The following CACNB2 variants were observed in gnomAD, a reference collection of about 807,000 sequenced individuals.
CACNB2 encodes the protein voltage-dependent L-type calcium channel subunit beta-2.
CACNB2 carries 42 observed loss-of-function variants against 73.3 expected under a neutral mutation model. The ratio of observed to expected loss-of-function variants is 0.57; its 90% CI spans 0.45 to 0.74. CACNB2 has a LOEUF of 0.74. Ranked by LOEUF, CACNB2 falls within the 30% of genes least tolerant of loss-of-function variation. CACNB2 has a pLI of 0.00. For missense variants in CACNB2, 940 were observed against 853.0 expected (o/e 1.10, Z -1.27); for synonymous variants, 348 against 310.3 (o/e 1.12, Z -1.28).
chr10:18,171,396 C>G (rs1236519851), intron 2 of CACNB2, among the ~76,000 whole-genome samples: 1 of 145,692 alleles, frequency 6.9e-6, no homozygotes, highest in Non-Finnish European at 1.5e-5. Context: ...GGGCAGGATG[C>G]TGCCTGGACT....
At chr10:18,418,409 CA>C (rs1344868144) in intron 3 of CACNB2, among the ~76,000 whole-genome samples, 2 of 152,188 alleles carry the variant, frequency 1.3e-5, no homozygotes, top group Non-Finnish European at 2.9e-5. Flanking sequence ...AAAATTATTT[CA>C]ATTGATATTT....
At chr10:18,324,354 G>C (rs565407959) in intron 2 of CACNB2, among the ~76,000 whole-genome samples, 2 of 152,188 alleles carry the variant, frequency 1.3e-5, no homozygotes, top group African/African-American at 2.4e-5. Context: ...ATATGGATTG[G>C]AGTTTGCCAG....
rs546843596 is a variant in CACNB2, at chr10:18,324,711, CT to C, written c.214-77212del. 3.2e-4 allele frequency among the ~76,000 whole-genome samples: 49 copies of C among 152,242 alleles called. 1 individual carries two copies. In the South Asian group the frequency reaches 9.8e-3, roughly 30 times the overall value. ...TCTCTACTGAAAATACAAAAATTAA[CT>C]GGGTGTGGTGGCATGCGTCTGTATT... On this transcript the variant is annotated intron_variant, in intron 2 of 13. Coordinates refer to ENST00000324631, the MANE Select transcript of CACNB2 (RefSeq NM_201596.3).
Position 18,196,241 on chromosome 10 carries a change from C to T in CACNB2, c.213+45266C>T, listed in dbSNP as rs577069406. Among the ~76,000 whole-genome samples, 8 of 151,696 alleles carry T rather than the reference C, an allele frequency of 5.3e-5. No homozygotes were observed. The South Asian group carries it at 6.3e-4, about 12-fold the overall frequency. ...ATGTGGCTTCAAAGTTGACTTTAAC[C>T]GACACTACTAAGCTGTTTAACAATA... On this transcript the variant is annotated intron_variant, in intron 2 of 13. Transcript: ENST00000324631.
intron 6 of CACNB2, among the ~76,000 whole-genome samples, chr10:18,508,817 T>G (rs1283591856): frequency 1.2e-4 from 18 of 152,222 alleles, no homozygotes. Flanking sequence ...CTGAAAAATT[T>G]GTAATAAACT....
At chr10:18,466,398 C>T (rs1328511252) in intron 3 of CACNB2, among the ~76,000 whole-genome samples, 2 of 151,980 alleles carry the variant, frequency 1.3e-5, no homozygotes. Flanking sequence ...CACCACCATG[C>T]CCAGCTAAAT....
chr10:18,151,060 AT>A, intron 2 of CACNB2, 85 bp downstream of exon 2: 1 of 860,926 alleles, frequency 1.2e-6, no homozygotes, highest in Non-Finnish European at 2.0e-6. Context: ...TTTCCTTAAG[AT>A]TTATGTAGTA....
At chr10:18,271,578 T>C (rs1391686951) in intron 2 of CACNB2, among the ~76,000 whole-genome samples, 1 of 152,184 alleles carries the variant, frequency 6.6e-6, no homozygotes, top group African/African-American at 2.4e-5. Flanking sequence ...ATCTTTATCA[T>C]ATATAAAACA....
At chr10:18,433,427 C>T (rs2045984059) in intron 3 of CACNB2, among the ~76,000 whole-genome samples, 1 of 152,164 alleles carries the variant, frequency 6.6e-6, no homozygotes, top group African/African-American at 2.4e-5. Context: ...TTTTGCCCTG[C>T]ACAGAACTCT....
At chr10:18,286,206 C>G (rs942312873) in intron 2 of CACNB2, among the ~76,000 whole-genome samples, 1 of 152,156 alleles carries the variant, frequency 6.6e-6, no homozygotes, top group African/African-American at 2.4e-5. Flanking sequence ...TACTCACTGC[C>G]TAGACTCTCC....
intron 2 of CACNB2, among the ~76,000 whole-genome samples, chr10:18,324,307 G>A (rs1216295983): frequency 6.6e-6 from 1 of 152,194 alleles, no homozygotes; most frequent in Non-Finnish European, 1.5e-5. Context: ...GTCAGGGAAG[G>A]CATCTGAAAG....
chr10:18,277,449 CTG>C (rs1323196208), intron 2 of CACNB2, among the ~76,000 whole-genome samples: 1 of 152,224 alleles, frequency 6.6e-6, no homozygotes, highest in Non-Finnish European at 1.5e-5. Context: ...TCAGTGATCT[CTG>C]TTCTTTTCCG....
chr10:18,520,351 G>T (rs2051734537), intron 9 of CACNB2, among the ~76,000 whole-genome samples: 1 of 152,108 alleles, frequency 6.6e-6, no homozygotes. Context: ...TGCAAATGCT[G>T]TTGTCTTTAT....
intron 3 of CACNB2, among the ~76,000 whole-genome samples, chr10:18,493,106 T>C (rs1347787508): frequency 6.6e-6 from 1 of 152,188 alleles, no homozygotes; most frequent in Non-Finnish European, 1.5e-5. Flanking sequence ...TTGTATTAGG[T>C]ATTATAACTG....
chr10:18,307,002 G>T (rs1021045007), intron 2 of CACNB2, among the ~76,000 whole-genome samples: 5 of 152,118 alleles, frequency 3.3e-5, no homozygotes, highest in African/African-American at 9.7e-5. Context: ...TCCTGGTTAG[G>T]AAGTGAAAGT....
chr10:18,488,662 C>G (rs1049766877), intron 3 of CACNB2, among the ~76,000 whole-genome samples: 7 of 151,920 alleles, frequency 4.6e-5, no homozygotes, highest in Admixed American at 1.3e-4. Flanking sequence ...TGGGCCCAAT[C>G]TTTTTTTGCC....
At chr10:18,503,236 T>C (rs2050305203) in intron 5 of CACNB2, among the ~76,000 whole-genome samples, 1 of 152,248 alleles carries the variant, frequency 6.6e-6, no homozygotes. Context: ...CAATCCTTAA[T>C]GTTCCATTGG....
At position 18,443,995 on chromosome 10, in the gene CACNB2, G is replaced by A. The variant is rs928118941; in HGVS notation, c.333+41952G>A. Among the ~76,000 whole-genome samples, 6 of 152,254 alleles carry A rather than the reference G, an allele frequency of 3.9e-5. No individual in the cohort carries two copies. In the South Asian group the frequency reaches 8.3e-4, roughly 21 times the overall value. ...CTCCCGAAGTGCTGGAATTACAGGC[G>A]TGAGCCACCACACCCAGCCACGCCC... On this transcript the variant is annotated intron_variant, in intron 3 of 13. Transcript: ENST00000324631.
chr10:18,145,258 C>G (rs1488250062), intron 1 of CACNB2, among the ~76,000 whole-genome samples: 1 of 152,236 alleles, frequency 6.6e-6, no homozygotes, highest in Non-Finnish European at 1.5e-5. Flanking sequence ...TCTAGTGGCT[C>G]TTCAACTACA....
Sources: gnomAD v4.1 joint callset for allele counts (sites outside exome capture counted in the v4.1 genomes callset) on GRCh38, gnomAD v4.1.1 for gene constraint, MANE v1.5 for transcripts, NCBI Gene and HGNC (gene_info 2026-07-23, HGNC 2026-07-21) for gene names.